ODAD2: variants seen among roughly 807,000 people sequenced by gnomAD.
The protein encoded by ODAD2 is outer dynein arm docking complex subunit 2, also known as outer dynein arm-docking complex subunit 2.
ODAD2 carries 89 observed loss-of-function variants against 106.8 expected under a neutral mutation model. That is an observed-to-expected ratio of 0.83 (90% CI 0.70 to 0.99). ODAD2 has a LOEUF of 0.99. Ranked by LOEUF, ODAD2 falls within the 50% of genes least tolerant of loss-of-function variation. The pLI, the probability that ODAD2 is intolerant of heterozygous loss-of-function variation, is 0.00. For synonymous variants in ODAD2, 404 were observed against 436.2 expected (o/e 0.93, Z 0.92); for missense variants, 1,168 against 1,238.5 (o/e 0.94, Z 0.85).
intron 16 of ODAD2, among the ~76,000 whole-genome samples, chr10:27,919,560 A>G (rs1802796027): frequency 6.6e-6 from 1 of 152,168 alleles, no homozygotes; most frequent in African/African-American, 2.4e-5. Flanking sequence ...AAAGTTACTC[A>G]ATACCATTAG....
chr10:27,868,610 T>C (rs1171468361), intron 17 of ODAD2, among the ~76,000 whole-genome samples: 1 of 152,118 alleles, frequency 6.6e-6, no homozygotes, highest in African/African-American at 2.4e-5. Context: ...GTGTTCTCAC[T>C]CATAAGTGGG....
At position 27,969,881 on chromosome 10, in the gene ODAD2, G is replaced by A. The variant is rs7068054; in HGVS notation, c.1143-863C>T. On this transcript the variant is annotated intron_variant, in intron 8 of 19. Coordinates refer to ENST00000305242, the MANE Select transcript of ODAD2 (RefSeq NM_018076.5). ...AGCACTTTGGGAGGCAGAAGTGGGCGGATTACTTGAGCTCAGGAGTTTGAG... is the reference window on the plus strand; with the variant it reads ...AGCACTTTGGGAGGCAGAAGTGGGCAGATTACTTGAGCTCAGGAGTTTGAG... Among the ~76,000 whole-genome samples, 840 of 152,226 alleles carry A rather than the reference G, an allele frequency of 5.5e-3. 12 individuals are homozygous for A. Among genetic ancestry groups the A allele is most frequent in the African/African-American group, 0.019 (771 of 41,534 alleles).
At position 27,905,552 on chromosome 10, in the gene ODAD2, T is replaced by C. The variant is rs190815571; in HGVS notation, c.2610+2111A>G. Among the ~76,000 whole-genome samples, 10 of 152,344 alleles carry C rather than the reference T, an allele frequency of 6.6e-5. No homozygotes were observed. In the East Asian group the frequency reaches 1.9e-3, roughly 29 times the overall value. ...ATATGGAACCAAAAAAGAGCCTGTA[T>C]AGCCAAGACAATCTTAAGCAAAAAG... On this transcript the variant is annotated intron_variant, in intron 17 of 19. Transcript: ENST00000305242.
intron 16 of ODAD2, among the ~76,000 whole-genome samples, chr10:27,908,157 C>T (rs1175606019): frequency 2.0e-5 from 3 of 152,084 alleles, no homozygotes; most frequent in African/African-American, 2.4e-5. Context: ...TGTGCAGTTA[C>T]CTTTTTTATT....
chr10:27,879,396 G>A lies in ODAD2; in HGVS notation c.2611-16774C>T, dbSNP rs895004107. Among the ~76,000 whole-genome samples, 5 of 151,848 alleles carry A rather than the reference G, an allele frequency of 3.3e-5. No individual in the cohort carries two copies. The East Asian group carries it at 7.7e-4, about 23-fold the overall frequency. On this transcript the variant is annotated intron_variant, in intron 17 of 19. Coordinates refer to ENST00000305242, the MANE Select transcript of ODAD2 (RefSeq NM_018076.5). ...ATAGCTATTATTTATAAAGCTATGT[G>A]TGTATATCTATGCATATGTCTTTTA...
At chr10:27,857,212 T>A (rs1334060255) in intron 19 of ODAD2, among the ~76,000 whole-genome samples, 1 of 152,184 alleles carries the variant, frequency 6.6e-6, no homozygotes, top group East Asian at 1.9e-4. Flanking sequence ...TGAAGACCTT[T>A]ATGATGATCC....
intron 10 of ODAD2, among the ~76,000 whole-genome samples, chr10:27,951,591 A>G (rs1847329221): frequency 6.6e-6 from 1 of 152,068 alleles, no homozygotes; most frequent in South Asian, 2.1e-4. Context: ...TCTATTATAC[A>G]TAAAGTGAAT....
chr10:27,875,175 G>A (rs1435148411), intron 17 of ODAD2, among the ~76,000 whole-genome samples: 7 of 152,146 alleles, frequency 4.6e-5, no homozygotes, highest in Non-Finnish European at 7.3e-5. Context: ...CATTCGTCAC[G>A]TAGTTCTTGT....
chr10:27,908,764 A>AG (rs1373167904), intron 16 of ODAD2, among the ~76,000 whole-genome samples: 1 of 32,100 alleles, frequency 3.1e-5, no homozygotes, highest in African/African-American at 1.2e-4. Context: ...ACCAGGGGGG[A>AG]AAAATGTATT....
At chr10:27,887,046 A>G (rs1269396786) in intron 17 of ODAD2, among the ~76,000 whole-genome samples, 1 of 152,060 alleles carries the variant, frequency 6.6e-6, no homozygotes, top group African/African-American at 2.4e-5. Flanking sequence ...AAATGGAATA[A>G]AGTCCCTAAT....
chr10:27,812,201 C>A lies in ODAD2; in HGVS notation c.*311G>T. The A allele has an allele frequency of 3.4e-6, 1 of 293,182 alleles. No homozygotes were observed. The highest frequency in any genetic ancestry group is 6.2e-6 in the Non-Finnish European group (1 of 160,660). 18.2% of individuals were successfully genotyped at this position (293,182 alleles called of 1,614,324 possible). ...GCCATATCCTTTTTATTAAAATCGC[C>A]ACAAATACAAAAGCATCACTGAACT... On this transcript the variant is annotated 3_prime_UTR_variant, in exon 20 of 20. Coordinates refer to ENST00000305242, the MANE Select transcript of ODAD2 (RefSeq NM_018076.5).
intron 19 of ODAD2, among the ~76,000 whole-genome samples, chr10:27,849,766 A>T (rs928957181): frequency 4.6e-5 from 7 of 152,228 alleles, no homozygotes; most frequent in African/African-American, 1.7e-4. Context: ...ATAAATGTGA[A>T]AAAATAGTTC....
chr10:27,995,791 C>T (rs1850526989), intron 1 of ODAD2: 1 of 152,226 alleles, frequency 6.6e-6, no homozygotes, highest in Admixed American at 6.5e-5. Flanking sequence ...AAAATTGATA[C>T]AGGACACATT....
intron 9 of ODAD2, among the ~76,000 whole-genome samples, chr10:27,966,036 G>A (rs1359506357): frequency 6.6e-6 from 1 of 152,110 alleles, no homozygotes; most frequent in African/African-American, 2.4e-5. Context: ...TTCCATTTTG[G>A]AGCATAGGAA....
intron 7 of ODAD2, among the ~76,000 whole-genome samples, chr10:27,979,317 C>A (rs538210058): frequency 3.3e-5 from 5 of 150,910 alleles, no homozygotes; most frequent in African/African-American, 1.2e-4. Flanking sequence ...GAAGTCCTAG[C>A]CACAGTAATT....
At chr10:27,857,331 C>T (rs754318548) in intron 19 of ODAD2, among the ~76,000 whole-genome samples, 2 of 152,222 alleles carry the variant, frequency 1.3e-5, no homozygotes, top group East Asian at 1.9e-4. Context: ...ATATAACATA[C>T]GAAATATGTA....
intron 14 of ODAD2, among the ~76,000 whole-genome samples, chr10:27,937,376 C>T (rs1846068073): frequency 1.5e-5 from 2 of 137,822 alleles, no homozygotes; most frequent in African/African-American, 2.7e-5. Context: ...CTTGCTCTGT[C>T]GCCCAAGGTG....
chr10:27,941,443 C>T, intron 12 of ODAD2, among the ~76,000 whole-genome samples: 1 of 150,786 alleles, frequency 6.6e-6, no homozygotes. Flanking sequence ...TATGATCACA[C>T]CACTGCACTC....
At chr10:27,955,403 G>T (rs1413192858) in intron 10 of ODAD2, among the ~76,000 whole-genome samples, 1 of 152,026 alleles carries the variant, frequency 6.6e-6, no homozygotes, top group Non-Finnish European at 1.5e-5. Flanking sequence ...CAGGCCTCCT[G>T]GGTCCTGAAT....
Sources: allele counts gnomAD v4.1 joint callset (sites outside exome capture counted in the v4.1 genomes callset), GRCh38; gene constraint gnomAD v4.1.1; transcripts MANE v1.5; gene names NCBI Gene and HGNC (gene_info 2026-07-23, HGNC 2026-07-21).